The following CNTNAP5 variants were observed in gnomAD, a reference collection of about 807,000 sequenced individuals.
The protein encoded by CNTNAP5 is contactin associated protein family member 5, also known as contactin-associated protein-like 5.
A neutral mutation model predicts 150.2 loss-of-function variants in CNTNAP5; 72 were observed. The observed-to-expected ratio is 0.48, with a 90% CI of 0.40 to 0.58. CNTNAP5 has a LOEUF of 0.58. CNTNAP5 is among the 20% of genes least tolerant of loss of function. The pLI is 0.00. For synonymous variants in CNTNAP5, 672 were observed against 619.8 expected (o/e 1.08, Z -1.25); for missense variants, 1,636 against 1,626.2 (o/e 1.01, Z -0.10).
At chr2:124,119,128 C>T (rs1362294576) in intron 1 of CNTNAP5, among the ~76,000 whole-genome samples, 2 of 152,088 alleles carry the variant, frequency 1.3e-5, no homozygotes, top group Non-Finnish European at 2.9e-5. Flanking sequence ...CCTGCCATTT[C>T]TGTGTCAGTT....
intron 14 of CNTNAP5, 43 bp downstream of exon 14, chr2:124,747,428 A>G (rs1251763756): frequency 3.1e-6 from 5 of 1,605,126 alleles, no homozygotes; most frequent in Admixed American, 3.3e-5. Flanking sequence ...GAGAAAGCAC[A>G]TTAATTGATG....
Position 124,446,914 on chromosome 2 carries a change from G to C in CNTNAP5, c.895G>C (p.Asp299His). ...TQHFRTKGET[D>H]ALDIDYELSF... ...GCACTTCCGCACCAAGGGCGAGACG[G>C]ATGCCTTAGACATTGACTATGAGGT... The change falls in exon 6 of 24, where the codon GAT (aspartate) becomes CAT (histidine). Residue 299 changes from aspartate (D) to histidine (H), a missense_variant. Physicochemically the swap from Asp to His is moderately conservative, Grantham distance 81. Transcript: ENST00000682447. The C allele has an allele frequency of 6.2e-7, 1 of 1,613,684 alleles. No homozygotes were observed. Among genetic ancestry groups the C allele is most frequent in the Non-Finnish European group, 8.5e-7 (1 of 1,179,688 alleles).
intron 3 of CNTNAP5, among the ~76,000 whole-genome samples, chr2:124,361,971 C>T (rs573246322): frequency 4.0e-4 from 61 of 152,298 alleles, no homozygotes; most frequent in African/African-American, 1.3e-3. Context: ...ACTTCGTGGG[C>T]GTAGGACCCT....
intron 13 of CNTNAP5, among the ~76,000 whole-genome samples, chr2:124,682,078 A>G (rs916961636): frequency 6.6e-6 from 1 of 152,136 alleles, no homozygotes; most frequent in African/African-American, 2.4e-5. Flanking sequence ...CTGCTTGTGC[A>G]GGGCCTCAAG....
intron 13 of CNTNAP5, among the ~76,000 whole-genome samples, chr2:124,681,783 C>T (rs992475150): frequency 6.6e-5 from 10 of 152,056 alleles, no homozygotes; most frequent in African/African-American, 2.2e-4. Context: ...AGGATGGTCT[C>T]GATCTCCTGA....
chr2:124,180,673 T>C (rs1685186973), intron 1 of CNTNAP5, among the ~76,000 whole-genome samples: 1 of 152,134 alleles, frequency 6.6e-6, no homozygotes, highest in African/African-American at 2.4e-5. Flanking sequence ...TTGATAGAAA[T>C]CATTTAAAGA....
chr2:124,325,461 C>T (rs145169293), intron 3 of CNTNAP5, among the ~76,000 whole-genome samples: 65 of 152,278 alleles, frequency 4.3e-4, no homozygotes, highest in African/African-American at 1.5e-3. Flanking sequence ...AATCACATCA[C>T]GGAATTCTGT....
intron 1 of CNTNAP5, among the ~76,000 whole-genome samples, chr2:124,082,297 C>T (rs7564103): frequency 0.12 from 17,217 of 142,886 alleles, 1,079 homozygotes; most frequent in South Asian, 0.23. Context: ...TGCAGTGAGC[C>T]GAGACTGTGC....
At chr2:124,416,457 A>C (rs1423533785) in intron 3 of CNTNAP5, among the ~76,000 whole-genome samples, 3 of 151,764 alleles carry the variant, frequency 2.0e-5, no homozygotes, top group Non-Finnish European at 4.4e-5. Flanking sequence ...GTACAATATT[A>C]GTAGACCACA....
At chr2:124,511,244 A>G (rs756450687) in intron 8 of CNTNAP5, among the ~76,000 whole-genome samples, 2 of 152,230 alleles carry the variant, frequency 1.3e-5, no homozygotes, top group Non-Finnish European at 2.9e-5. Context: ...TGTCATATGA[A>G]ATCATAAGCA....
intron 3 of CNTNAP5, among the ~76,000 whole-genome samples, chr2:124,245,804 G>C (rs866548714): frequency 7.2e-5 from 11 of 151,900 alleles, no homozygotes; most frequent in Non-Finnish European, 1.6e-4. Flanking sequence ...TATCATAGCT[G>C]ACTGTAGTTT....
At chr2:124,153,254 A>G (rs150744606) in intron 1 of CNTNAP5, among the ~76,000 whole-genome samples, 2 of 152,348 alleles carry the variant, frequency 1.3e-5, no homozygotes, top group African/African-American at 4.8e-5. Context: ...TGGGGCACAC[A>G]CAGTAAATGA....
chr2:124,086,662 G>A (rs1215764138), intron 1 of CNTNAP5, among the ~76,000 whole-genome samples: 2 of 151,306 alleles, frequency 1.3e-5, no homozygotes, highest in East Asian at 3.9e-4. Context: ...ATACTTCCAT[G>A]AGATATCTTT....
intron 1 of CNTNAP5, among the ~76,000 whole-genome samples, chr2:124,204,953 T>C (rs971722968): frequency 1.7e-4 from 26 of 152,178 alleles, no homozygotes; most frequent in African/African-American, 6.3e-4. Context: ...AAACTGCTAC[T>C]GAGGCCAGGA....
intron 3 of CNTNAP5, among the ~76,000 whole-genome samples, chr2:124,400,678 T>TTTTG (rs1691392283): frequency 1.9e-5 from 2 of 106,012 alleles, no homozygotes; most frequent in African/African-American, 2.8e-5. Flanking sequence ...TGTTTTTTTT[T>TTTTG]TTTTTTTTTT....
chr2:124,502,453 AC>A (rs1694299784), intron 7 of CNTNAP5, among the ~76,000 whole-genome samples: 1 of 152,202 alleles, frequency 6.6e-6, no homozygotes, highest in Admixed American at 6.5e-5. Context: ...GAAAGGGGAT[AC>A]TTTTGCAACC....
At chr2:124,632,593 A>G (rs1677887300) in intron 12 of CNTNAP5, among the ~76,000 whole-genome samples, 1 of 152,008 alleles carries the variant, frequency 6.6e-6, no homozygotes, top group Non-Finnish European at 1.5e-5. Flanking sequence ...GAAAAATCTA[A>G]TTCGTGCTGG....
chr2:124,067,975 A>G (rs1217684173), intron 1 of CNTNAP5, among the ~76,000 whole-genome samples: 2 of 152,294 alleles, frequency 1.3e-5, no homozygotes, highest in Non-Finnish European at 2.9e-5. Flanking sequence ...TTGGAGAAGG[A>G]GGAATAAACA....
At chr2:124,843,080 A>G (rs546038277) in intron 19 of CNTNAP5, among the ~76,000 whole-genome samples, 1 of 152,106 alleles carries the variant, frequency 6.6e-6, no homozygotes, top group African/African-American at 2.4e-5. Flanking sequence ...TGAGTCCCCA[A>G]AGTCCATTGT....
Sources: allele counts gnomAD v4.1 joint callset (sites outside exome capture counted in the v4.1 genomes callset), GRCh38; gene constraint gnomAD v4.1.1; transcripts MANE v1.5; gene names NCBI Gene and HGNC (gene_info 2026-07-23, HGNC 2026-07-21).